The following SOX5 variants were observed in gnomAD, a reference collection of about 807,000 sequenced individuals.
SOX5 encodes the protein transcription factor SOX-5.
A neutral mutation model predicts 92.0 loss-of-function variants in SOX5; 9 were observed. That is an observed-to-expected ratio of 0.10 (90% CI 0.06 to 0.17). The LOEUF is 0.17. SOX5 is among the 10% of genes least tolerant of loss of function. The pLI is 1.00. For synonymous variants in SOX5, 344 were observed against 336.3 expected (o/e 1.02, Z -0.25); for missense variants, 642 against 944.5 (o/e 0.68, Z 4.20).
At chr12:24,136,121 G>T (rs1221327980) in intron 4 of SOX5, among the ~76,000 whole-genome samples, 1 of 152,178 alleles carries the variant, frequency 6.6e-6, no homozygotes, top group Non-Finnish European at 1.5e-5. Flanking sequence ...AAGGAACAAA[G>T]AATCTAAGAG....
At chr12:23,914,228 G>A (rs2097385811) in intron 1 of SOX5, among the ~76,000 whole-genome samples, 4 of 152,046 alleles carry the variant, frequency 2.6e-5, no homozygotes, top group Admixed American at 1.3e-4. Flanking sequence ...AAATGGATAA[G>A]CTGATGGTTT....
intron 3 of SOX5, among the ~76,000 whole-genome samples, chr12:23,792,664 T>C (rs1334620935): frequency 1.2e-5 from 1 of 86,176 alleles, no homozygotes; most frequent in Admixed American, 1.5e-4. Flanking sequence ...AAAAAAAAAC[T>C]TGGACAAAGC....
chr12:24,401,777 T>C (rs1201484283), intron 1 of SOX5, among the ~76,000 whole-genome samples: 1 of 146,504 alleles, frequency 6.8e-6, no homozygotes, highest in Non-Finnish European at 1.5e-5. Flanking sequence ...TTACATAATA[T>C]CCTCAGTTTT....
intron 8 of SOX5, among the ~76,000 whole-genome samples, chr12:23,607,291 A>C (rs2075364026): frequency 6.6e-6 from 1 of 152,194 alleles, no homozygotes; most frequent in African/African-American, 2.4e-5. Context: ...AAAAGCAAAA[A>C]TGAACCCCGT....
intron 1 of SOX5, among the ~76,000 whole-genome samples, chr12:24,375,213 T>C (rs889740706): frequency 6.6e-6 from 1 of 151,614 alleles, no homozygotes; most frequent in Non-Finnish European, 1.5e-5. Flanking sequence ...GACCTCGTGA[T>C]CCACCCGCCT....
chr12:24,410,578 T>C (rs1297354153), intron 1 of SOX5, among the ~76,000 whole-genome samples: 2 of 152,234 alleles, frequency 1.3e-5, no homozygotes, highest in Non-Finnish European at 2.9e-5. Context: ...TGTTTTTTTC[T>C]GTTGAATTGC....
Position 23,817,534 on chromosome 12 carries a change from T to C in SOX5, c.481+28449A>G, listed in dbSNP as rs1367936264. Among the ~76,000 whole-genome samples, 62 of 152,186 alleles carry C rather than the reference T, an allele frequency of 4.1e-4. 1 individual carries two copies. The highest frequency in any genetic ancestry group is 4.1e-3 in the Admixed American group (62 of 15,262). On this transcript the variant is annotated intron_variant, in intron 3 of 14. Transcript: ENST00000451604. The stretch of plus-strand genomic sequence containing the variant: ...AGCTGGCATGATGAGTGAAACTACT[T>C]TAAAAGAAGTTGCGTCATAGAGAGA...
At chr12:23,605,857 A>G (rs1204063161) in intron 8 of SOX5, among the ~76,000 whole-genome samples, 2 of 152,200 alleles carry the variant, frequency 1.3e-5, no homozygotes, top group African/African-American at 2.4e-5. Context: ...TTTTATGCAA[A>G]TTAATGTAAA....
At chr12:23,815,991 T>C (rs1398191299) in intron 3 of SOX5, among the ~76,000 whole-genome samples, 1 of 152,194 alleles carries the variant, frequency 6.6e-6, no homozygotes, top group Non-Finnish European at 1.5e-5. Flanking sequence ...TAAAACTTTA[T>C]TTATAGGCAC....
chr12:24,286,276 A>C (rs1190418566), intron 2 of SOX5, among the ~76,000 whole-genome samples: 1 of 152,234 alleles, frequency 6.6e-6, no homozygotes, highest in African/African-American at 2.4e-5. Context: ...TATTTCAAAC[A>C]CGAGTTCCAG....
At chr12:24,411,885 T>TTATC (rs1964160627) in intron 1 of SOX5, among the ~76,000 whole-genome samples, 1 of 152,184 alleles carries the variant, frequency 6.6e-6, no homozygotes, top group Non-Finnish European at 1.5e-5. Context: ...TTTGGTAGAA[T>TTATC]TATCTAGTAA....
intron 4 of SOX5, among the ~76,000 whole-genome samples, chr12:24,044,702 A>G (rs1372671224): frequency 6.6e-6 from 1 of 152,230 alleles, no homozygotes; most frequent in East Asian, 1.9e-4. Flanking sequence ...AAGGATTTCT[A>G]CAATGCATAT....
intron 4 of SOX5, among the ~76,000 whole-genome samples, chr12:24,003,869 A>C (rs547651435): frequency 2.6e-5 from 4 of 152,092 alleles, no homozygotes; most frequent in Admixed American, 2.6e-4. Context: ...ATGAAATTGG[A>C]GGTCATACAC....
At chr12:23,820,216 T>A (rs1380310225) in intron 3 of SOX5, among the ~76,000 whole-genome samples, 2 of 152,246 alleles carry the variant, frequency 1.3e-5, no homozygotes, top group Non-Finnish European at 2.9e-5. Flanking sequence ...TTTGGCCGCA[T>A]AAATGTCTTC....
At chr12:24,406,689 G>A (rs1366063985) in intron 1 of SOX5, among the ~76,000 whole-genome samples, 1 of 152,156 alleles carries the variant, frequency 6.6e-6, no homozygotes, top group Non-Finnish European at 1.5e-5. Flanking sequence ...AAACATTTCT[G>A]AATGTAGATT....
At chr12:23,901,688 A>T (rs1488745572) in intron 1 of SOX5, among the ~76,000 whole-genome samples, 1 of 152,146 alleles carries the variant, frequency 6.6e-6, no homozygotes. Context: ...TTTATGGTCA[A>T]TCTCTCCCAC....
chr12:24,455,659 T>C (rs1056363532), intron 1 of SOX5, among the ~76,000 whole-genome samples: 1 of 152,192 alleles, frequency 6.6e-6, no homozygotes, highest in African/African-American at 2.4e-5. Flanking sequence ...CTGAAAGTGA[T>C]AGCATTCCAA....
intron 6 of SOX5, among the ~76,000 whole-genome samples, chr12:23,711,780 T>C (rs2092076290): frequency 6.6e-6 from 1 of 152,166 alleles, no homozygotes; most frequent in Admixed American, 6.6e-5. Context: ...ATATAACAAG[T>C]CCTGGCACTT....
chr12:24,501,098 T>C (rs1169177888), intron 1 of SOX5, among the ~76,000 whole-genome samples: 2 of 152,162 alleles, frequency 1.3e-5, no homozygotes, highest in Non-Finnish European at 2.9e-5. Flanking sequence ...CCCATCTCTT[T>C]GATAAAAACA....
Sources: gnomAD v4.1 joint callset for allele counts (sites outside exome capture counted in the v4.1 genomes callset) on GRCh38, gnomAD v4.1.1 for gene constraint, MANE v1.5 for transcripts, NCBI Gene and HGNC (gene_info 2026-07-23, HGNC 2026-07-21) for gene names.